The following NRG3 variants were observed in gnomAD, a reference collection of about 807,000 sequenced individuals.
NRG3 encodes neuregulin 3, also known as pro-neuregulin-3, membrane-bound isoform.
Under a neutral mutation model 66.9 loss-of-function variants are expected in NRG3, and 31 were observed. The observed-to-expected ratio is 0.46, with a 90% CI of 0.35 to 0.63. The LOEUF (loss-of-function observed/expected upper bound fraction) is 0.63. NRG3 is among the 20% of genes least tolerant of loss of function. NRG3 has a pLI of 0.00. For missense variants in NRG3, 910 were observed against 878.9 expected (o/e 1.04, Z -0.45); for synonymous variants, 393 against 359.4 (o/e 1.09, Z -1.06).
chr10:82,924,859 T>A (rs549167364), intron 4 of NRG3, among the ~76,000 whole-genome samples: 1 of 152,284 alleles, frequency 6.6e-6, no homozygotes, highest in Admixed American at 6.5e-5. Context: ...CCAATCCATG[T>A]AATTGCTTTT....
rs185400482 is a variant in NRG3, at chr10:82,489,752, C to A, written c.953+130884C>A. On this transcript the variant is annotated intron_variant, in intron 2 of 8. Transcript: ENST00000372141. ...CATTATGCCAGGCAATTCATTTGCA[C>A]AACTTTATTGTATTCTTATCAAAAT... is the stretch of plus-strand genomic sequence containing the variant. Among the ~76,000 whole-genome samples, 184 of 152,240 alleles carry A rather than the reference C, an allele frequency of 1.2e-3. 1 individual carries two copies. Among genetic ancestry groups the A allele is most frequent in the African/African-American group, 4.1e-3 (172 of 41,544 alleles).
At chr10:82,091,316 T>C (rs571567008) in intron 1 of NRG3, among the ~76,000 whole-genome samples, 2 of 152,068 alleles carry the variant, frequency 1.3e-5, no homozygotes, top group African/African-American at 2.4e-5. Context: ...AACTTCTCCT[T>C]CTCCTCCTCC....
chr10:81,890,124 A>G (rs1842903998), intron 1 of NRG3, among the ~76,000 whole-genome samples: 1 of 152,206 alleles, frequency 6.6e-6, no homozygotes, highest in African/African-American at 2.4e-5. Flanking sequence ...CAAGTAGACC[A>G]CGTGCTTGTG....
At chr10:82,820,120 A>G (rs959239024) in intron 3 of NRG3, among the ~76,000 whole-genome samples, 1 of 152,322 alleles carries the variant, frequency 6.6e-6, no homozygotes, top group East Asian at 1.9e-4. Flanking sequence ...AGAGGTTTGG[A>G]TAGCAGAGAA....
chr10:81,886,432 T>A (rs770200281), intron 1 of NRG3, among the ~76,000 whole-genome samples: 1 of 152,144 alleles, frequency 6.6e-6, no homozygotes, highest in Non-Finnish European at 1.5e-5. Flanking sequence ...CATAAGTCAC[T>A]TTAAAAAAAG....
Position 82,571,477 on chromosome 10 carries a change from A to C in NRG3, c.954-167100A>C, listed in dbSNP as rs1202233441. On this transcript the variant is annotated intron_variant, in intron 2 of 8. Coordinates refer to ENST00000372141, the MANE Select transcript of NRG3 (RefSeq NM_001010848.4). ...GAAAAGTAGTACAAAAATTTGGTGA[A>C]TACATCAACAATGTCTGTCAAAATA... 2.0e-5 allele frequency among the ~76,000 whole-genome samples: 3 copies of C among 151,634 alleles called. 1 individual carries two copies. Among genetic ancestry groups the C allele is most frequent in the Non-Finnish European group, 4.4e-5 (3 of 67,718 alleles).
chr10:82,607,694 A>G (rs1225602975), intron 2 of NRG3, among the ~76,000 whole-genome samples: 1 of 151,768 alleles, frequency 6.6e-6, no homozygotes, highest in Non-Finnish European at 1.5e-5. Context: ...AACTGAGCTC[A>G]TAATAGAGTT....
At chr10:82,220,711 A>G (rs966899790) in intron 1 of NRG3, among the ~76,000 whole-genome samples, 2 of 152,172 alleles carry the variant, frequency 1.3e-5, no homozygotes, top group South Asian at 4.1e-4. Context: ...GAGTTTTGAT[A>G]CTAGTTTTAA....
At chr10:82,852,497 T>TA (rs898755590) in intron 3 of NRG3, among the ~76,000 whole-genome samples, 37 of 150,868 alleles carry the variant, frequency 2.5e-4, no homozygotes, top group Non-Finnish European at 3.5e-4. Context: ...ATACAGCTAT[T>TA]AAAAAAAAAG....
Position 82,986,160 on chromosome 10 carries a change from G to A in NRG3, c.*555G>A, listed in dbSNP as rs1853420068. 6.6e-6 allele frequency: 1 copy of A among 152,626 alleles called. No individual in the cohort carries two copies. Among genetic ancestry groups the A allele is most frequent in the Admixed American group, 6.5e-5 (1 of 15,322 alleles). The allele number at this position is 152,626 out of a possible 1,614,324, so 9.5% of individuals were successfully genotyped here. On this transcript the variant is annotated 3_prime_UTR_variant, in exon 9 of 9. Transcript: ENST00000372141. ...TGGGAAGGAGGACAGGAGATAGAAG[G>A]AGAAACCGGGGGCAATCTTAACTAC...
intron 1 of NRG3, among the ~76,000 whole-genome samples, chr10:82,083,146 A>T (rs2065491481): frequency 6.6e-6 from 1 of 151,984 alleles, no homozygotes; most frequent in Admixed American, 6.6e-5. Context: ...ACATGACTTA[A>T]GGCTATTTTT....
At chr10:82,811,289 C>G (rs2061483933) in intron 3 of NRG3, among the ~76,000 whole-genome samples, 1 of 152,166 alleles carries the variant, frequency 6.6e-6, no homozygotes, top group Admixed American at 6.5e-5. Context: ...CCTGTTTGTT[C>G]ACTGCCATAT....
intron 2 of NRG3, among the ~76,000 whole-genome samples, chr10:82,635,203 C>T (rs1459267542): frequency 6.6e-6 from 1 of 152,108 alleles, no homozygotes; most frequent in Non-Finnish European, 1.5e-5. Flanking sequence ...CTACCACCTT[C>T]GTTTGATCTT....
intron 3 of NRG3, among the ~76,000 whole-genome samples, chr10:82,816,085 G>A (rs548728145): frequency 2.6e-5 from 4 of 152,236 alleles, no homozygotes; most frequent in African/African-American, 4.8e-5. Context: ...CCCAAAAAGG[G>A]TGTCACAGCC....
intron 1 of NRG3, among the ~76,000 whole-genome samples, chr10:82,304,877 G>A (rs1319501313): frequency 6.6e-6 from 1 of 151,578 alleles, no homozygotes; most frequent in African/African-American, 2.4e-5. Context: ...CAAGGGGAGG[G>A]ATTATACCAA....
intron 3 of NRG3, among the ~76,000 whole-genome samples, chr10:82,856,296 A>G (rs1223288032): frequency 6.6e-6 from 1 of 152,150 alleles, no homozygotes; most frequent in Non-Finnish European, 1.5e-5. Flanking sequence ...AAAAGAAACA[A>G]CTACCCTTCA....
intron 1 of NRG3, among the ~76,000 whole-genome samples, chr10:81,974,673 T>C (rs574489711): frequency 6.6e-6 from 1 of 152,262 alleles, no homozygotes; most frequent in East Asian, 1.9e-4. Flanking sequence ...ACAAATTATG[T>C]CATTAGCATA....
At chr10:81,893,585 G>A (rs891545711) in intron 1 of NRG3, among the ~76,000 whole-genome samples, 5 of 152,058 alleles carry the variant, frequency 3.3e-5, no homozygotes, top group Admixed American at 2.0e-4. Flanking sequence ...TCCCCTGATC[G>A]TCGTAGGTGT....
At chr10:82,589,597 G>A (rs1342711128) in intron 2 of NRG3, among the ~76,000 whole-genome samples, 3 of 152,056 alleles carry the variant, frequency 2.0e-5, no homozygotes, top group African/African-American at 7.2e-5. Context: ...TTCTACTAAA[G>A]ACACCCCTCG....
Sources: allele counts gnomAD v4.1 joint callset (sites outside exome capture counted in the v4.1 genomes callset), GRCh38; gene constraint gnomAD v4.1.1; transcripts MANE v1.5; gene names NCBI Gene and HGNC (gene_info 2026-07-23, HGNC 2026-07-21).